CLEC1B: variants seen among roughly 807,000 people sequenced by gnomAD.
CLEC1B encodes the protein C-type lectin domain family 1 member B.
A neutral mutation model predicts 26.7 loss-of-function variants in CLEC1B; 26 were observed. The observed-to-expected ratio is 0.97, with a 90% confidence interval of 0.71 to 1.35. The LOEUF (loss-of-function observed/expected upper bound fraction) is 1.35. Ranked by LOEUF, CLEC1B falls within the 40% of genes most tolerant of loss-of-function variation. The pLI is 0.00. For missense variants in CLEC1B, 293 were observed against 282.6 expected (o/e 1.04, Z -0.26); for synonymous variants, 112 against 96.0 (o/e 1.17, Z -0.97).
intron 5 of CLEC1B, 109 bp downstream of exon 5, chr12:9,995,031 C>G: frequency 1.3e-6 from 2 of 1,581,040 alleles, no homozygotes; most frequent in Non-Finnish European, 1.7e-6. Context: ...GTAAGTGACC[C>G]AGCTGCTGCT....
chr12:9,994,869 GCACA>G (rs1316618119), intron 5 of CLEC1B: 2 of 650,462 alleles, frequency 3.1e-6, no homozygotes, highest in Admixed American at 3.0e-5. Context: ...ACACATACAT[GCACA>G]CAGTGTTCCA....
chr12:9,999,112 T>A lies in CLEC1B; in HGVS notation c.-12A>T, dbSNP rs147279529. On this transcript the variant is annotated 5_prime_UTR_variant, in exon 1 of 6. Transcript: ENST00000298527. ...TCTTCATCCTGCATGGCTTCCCGAG[T>A]ACTGCAACTGAGCTCAGAGTTCAAT... The A allele has an allele frequency of 1.9e-6, 3 of 1,593,092 alleles. No homozygotes were observed. Among genetic ancestry groups the A allele is most frequent in the Non-Finnish European group, 2.6e-6 (3 of 1,165,116 alleles).
intron 4 of CLEC1B, 149 bp from the exon 5 acceptor site, chr12:9,995,395 G>A (rs1865017165): frequency 2.8e-6 from 2 of 727,060 alleles, no homozygotes; most frequent in Non-Finnish European, 4.9e-6. Flanking sequence ...GTTTGAAATT[G>A]TACCAATTTG....
chr12:9,995,294 C>G (rs1865013567), intron 4 of CLEC1B, 48 bp from the exon 5 acceptor site: 1 of 1,481,096 alleles, frequency 6.8e-7, no homozygotes, highest in African/African-American at 1.4e-5. Flanking sequence ...CTCCACAGCT[C>G]TTGGTATGAT....
Position 9,995,225 on chromosome 12 carries a change from G to C in CLEC1B, c.460C>G (p.His154Asp), listed in dbSNP as rs753621542. 14 of 1,612,770 alleles carry C rather than the reference G, an allele frequency of 8.7e-6. No individual in the cohort carries two copies. The South Asian group carries it at 1.4e-4, about 16-fold the overall frequency. Residue 154 changes from histidine (H) to aspartate (D), a missense_variant, in exon 5 of 6, where the codon CAT (histidine) becomes GAT (aspartate). Coordinates refer to ENST00000298527, the MANE Select transcript of CLEC1B (RefSeq NM_016509.4). The part of the protein sequence containing the change: ...NIVEYIKART[H>D]LIRWVGLSRQ... The stretch of plus-strand genomic sequence containing the variant: ...GATAATCCGACCCAACGAATTAAAT[G>C]AGTCCTGGCTTTGATGTACTCCTAT...
chr12:10,000,042 T>C (rs1265415603), upstream of CLEC1B, among the ~76,000 whole-genome samples: 1 of 152,242 alleles, frequency 6.6e-6, no homozygotes, highest in African/African-American at 2.4e-5. Flanking sequence ...GCATTTATTA[T>C]AGGAATATTG....
At position 9,995,152 on chromosome 12, in the gene CLEC1B, A is replaced by C; in HGVS notation, c.533T>G (p.Ile178Ser). The change falls in exon 5 of 6, where the codon ATC (isoleucine) becomes AGC (serine). Residue 178 changes from isoleucine to serine, a missense_variant. Physicochemically the swap from Ile to Ser is moderately radical, Grantham distance 142. Coordinates refer to ENST00000298527, the MANE Select transcript of CLEC1B (RefSeq NM_016509.4). ...TCCAGTGACTTACATATTTTCTGAG[A>C]TAACCGAGCCATCCTCCCACTTCCA... ...EVWKWEDGSV[I>S]SENMFEFLED... The C allele has an allele frequency of 6.2e-7, 1 of 1,612,800 alleles. No individual in the cohort carries two copies. The highest frequency in any genetic ancestry group is 8.5e-7 in the Non-Finnish European group (1 of 1,178,966).
chr12:10,000,846 C>A (rs906082483), upstream of CLEC1B, among the ~76,000 whole-genome samples: 5 of 152,180 alleles, frequency 3.3e-5, no homozygotes, highest in African/African-American at 1.2e-4. Flanking sequence ...TCACAGTAAC[C>A]CCTGTCTTTC....
chr12:9,997,777 G>A (rs142402084), intron 2 of CLEC1B, among the ~76,000 whole-genome samples: 48 of 152,160 alleles, frequency 3.2e-4, no homozygotes, highest in African/African-American at 1.1e-3. Flanking sequence ...ACACAAACAA[G>A]CAACAACTAC....
upstream of CLEC1B, chr12:9,999,152 T>C (rs757370241): frequency 8.2e-7 from 1 of 1,219,110 alleles, no homozygotes; most frequent in South Asian, 1.3e-5. Context: ...TTGCAAAATG[T>C]AGTTTCCAAC....
At chr12:9,993,689 G>A (rs1591847128) in intron 5 of CLEC1B, among the ~76,000 whole-genome samples, 2 of 152,098 alleles carry the variant, frequency 1.3e-5, no homozygotes, top group East Asian at 1.9e-4. Context: ...AGCTGCACTA[G>A]ATGGGAATAC....
At chr12:9,995,668 G>A (rs1187384926) in intron 4 of CLEC1B, 1 of 222,222 alleles carries the variant, frequency 4.5e-6, no homozygotes, top group African/African-American at 2.4e-5. Flanking sequence ...TGCTCAGCTT[G>A]CCTATAAAAT....
upstream of CLEC1B, among the ~76,000 whole-genome samples, chr12:10,001,574 C>G (rs1221451643): frequency 6.6e-6 from 1 of 152,208 alleles, no homozygotes; most frequent in African/African-American, 2.4e-5. Flanking sequence ...GACAGAGACT[C>G]TCAGGGCCAA....
chr12:9,996,871 A>C lies in CLEC1B; in HGVS notation c.413T>G (p.Leu138Arg). ...CACAATGTTCCGGTTGTCAATCTTC[A>C]GGAGAGTAGCATTCATGTCAGTGCA... is the stretch of plus-strand genomic sequence containing the variant. ...QYCTDMNATL[L>R]KIDNRNIVEY... Residue 138 changes from leucine (L) to arginine (R), a missense_variant, in exon 4 of 6, where the codon CTG becomes CGG. By Grantham distance (102) the Leu-to-Arg change is moderately radical. Coordinates refer to ENST00000298527, the MANE Select transcript of CLEC1B (RefSeq NM_016509.4). 6.2e-7 allele frequency: 1 copy of C among 1,614,102 alleles called. No homozygotes were observed.
upstream of CLEC1B, among the ~76,000 whole-genome samples, chr12:10,000,100 A>G (rs1412718429): frequency 6.6e-6 from 1 of 152,204 alleles, no homozygotes; most frequent in Non-Finnish European, 1.5e-5. Flanking sequence ...ACATAGTTTT[A>G]TGGCAGATTT....
At chr12:9,995,349 A>G (rs968071424) in intron 4 of CLEC1B, 103 bp from the exon 5 acceptor site, 1 of 895,476 alleles carries the variant, frequency 1.1e-6, no homozygotes, top group Admixed American at 1.7e-5. Flanking sequence ...ATGTTGGATT[A>G]CATGTCTATA....
Position 9,998,280 on chromosome 12 carries a change from A to T in CLEC1B, c.163+2T>A. The T allele has an allele frequency of 6.2e-7, 1 of 1,613,224 alleles. No homozygotes were observed. The highest frequency in any genetic ancestry group is 1.3e-5 in the African/African-American group (1 of 74,964). On this transcript the variant is annotated splice_donor_variant, in intron 2 of 5. Coordinates refer to ENST00000298527, the MANE Select transcript of CLEC1B (RefSeq NM_016509.4). LOFTEE classifies it high-confidence loss of function. The stretch of plus-strand genomic sequence containing the variant: ...CAAATTTCTGGCAGAGTCAACACTT[A>T]CACCAAATCCCCAGAGCCACCAGCC...
At chr12:9,999,257 G>T, upstream of CLEC1B, 2 of 515,056 alleles carry the variant, frequency 3.9e-6, no homozygotes, top group Non-Finnish European at 6.9e-6. Flanking sequence ...TTTGCTTATT[G>T]TTTTCCAGGA....
intron 1 of CLEC1B, 42 bp from the exon 2 acceptor site, chr12:9,998,422 G>A: frequency 6.8e-7 from 1 of 1,476,298 alleles, no homozygotes; most frequent in Non-Finnish European, 9.5e-7. Context: ...AGGCAGTATG[G>A]GTTAGCTATG....
Sources: allele counts gnomAD v4.1 joint callset (sites outside exome capture counted in the v4.1 genomes callset), GRCh38; gene constraint gnomAD v4.1.1; transcripts MANE v1.5; gene names NCBI Gene and HGNC (gene_info 2026-07-23, HGNC 2026-07-21).